DVL1: variants seen among roughly 807,000 people sequenced by gnomAD.
DVL1 encodes the protein segment polarity protein dishevelled homolog DVL-1.
DVL1 carries 49 observed loss-of-function variants against 65.0 expected under a neutral mutation model. The observed-to-expected ratio is 0.75, with a 90% CI of 0.60 to 0.96. DVL1 has a LOEUF of 0.96. Among genes scored for constraint, DVL1 ranks in the 40% least tolerant of loss-of-function variants. The pLI is 0.00. For synonymous variants in DVL1, 608 were observed against 433.9 expected, an observed-to-expected ratio of 1.40 and a Z score of -4.99; for missense variants, 1,197 against 1,045.4, an observed-to-expected ratio of 1.15 and a Z score of -2.00.
Position 1,336,302 on chromosome 1 carries a change from G to T in DVL1, c.1928C>A (p.Pro643Gln). 1 of 1,562,438 alleles carries T rather than the reference G, an allele frequency of 6.4e-7. No homozygotes were observed. The change falls in exon 15 of 15, where the codon CCG becomes CAG. Residue 643 changes from proline to glutamine, a missense_variant. Physicochemically the swap from Pro to Gln is moderately conservative, Grantham distance 76 (BLOSUM62 -1). Coordinates refer to ENST00000378888, the MANE Select transcript of DVL1 (RefSeq NM_001330311.2). The part of the protein sequence containing the change: ...QASATAPGLP[P>Q]PHPTTKAYTV... ...ATAGGCCTTGGTCGTGGGGTGGGGC[G>T]GGGGGAGCCCCGGGGCGGTAGCCGA... is the stretch of plus-strand genomic sequence containing the variant.
In DVL1 at chr1:1,345,695, C is replaced by A. The variant is rs908566905; in HGVS notation, c.171-2937G>T. Among the ~76,000 whole-genome samples, 3 of 152,304 alleles carry A rather than the reference C, an allele frequency of 2.0e-5. No homozygotes were observed. In the East Asian group the frequency reaches 5.8e-4, roughly 29 times the overall value. On this transcript the variant is annotated intron_variant, in intron 1 of 14. Transcript: ENST00000378888. ...CATGGCCACACAGGATGCAGAGAAC[C>A]CTCCAGACTCCCAGAGGCCACAGCC... is the stretch of plus-strand genomic sequence containing the variant.
chr1:1,338,375 G>A lies in DVL1; in HGVS notation c.1401C>T (p.Ala467=). ...TCAGCAAGCTGCTGGCGTACTTCCG[G>A]GCCTCCCGCCGCTCCTTGAAGCCCT... The part of the protein sequence containing the change: ...HVEGFKERRE[A]RKYASSLLKH... Residue 467 remains alanine (A), a synonymous_variant, in exon 13 of 15, where the codon GCC becomes GCT. Coordinates refer to ENST00000378888, the MANE Select transcript of DVL1 (RefSeq NM_001330311.2). 1.2e-6 allele frequency: 2 copies of A among 1,612,592 alleles called. No individual in the cohort carries two copies. The highest frequency in any genetic ancestry group is 1.7e-6 in the Non-Finnish European group (2 of 1,179,882).
Position 1,337,168 on chromosome 1 carries a change from G to C in DVL1, c.1715-653C>G, listed in dbSNP as rs966850103. On this transcript the variant is annotated intron_variant, in intron 14 of 14. Coordinates refer to ENST00000378888, the MANE Select transcript of DVL1 (RefSeq NM_001330311.2). ...TGACCGCGGGCTGGGCGGGGCTGAA[G>C]TGGGCGCAAGCGCCGGTCGAGGGTC... 6 of 892,702 alleles carry C rather than the reference G, an allele frequency of 6.7e-6. No homozygotes were observed. In the South Asian group the frequency reaches 3.0e-4, roughly 45 times the overall value. 55.3% of individuals were successfully genotyped at this position (892,702 alleles called of 1,614,324 possible). A position where few individuals can be genotyped will look rare whatever the true frequency, so the allele number is the denominator to read the frequency against.
In DVL1 at chr1:1,346,589, G is replaced by C. The variant is rs540431635; in HGVS notation, c.170+2307C>G. ...CATGAAAAGTGGAGGACAGGCGGGG[G>C]ACCTTCACCCACTGGGCCAAAGCCG... On this transcript the variant is annotated intron_variant, in intron 1 of 14. Transcript: ENST00000378888. Among the ~76,000 whole-genome samples, 5 of 152,342 alleles carry C rather than the reference G, an allele frequency of 3.3e-5. No individual in the cohort carries two copies. In the East Asian group the frequency reaches 9.7e-4, roughly 29 times the overall value.
rs556436260 is a variant in DVL1, at chr1:1,340,329, G to A, written c.700-13C>T. The A allele has an allele frequency of 1.2e-5, 20 of 1,613,936 alleles. No homozygotes were observed. The highest frequency in any genetic ancestry group is 8.0e-5 in the African/African-American group (6 of 75,032). ...TGAAGGAGGAGGCCTATGGAGGAGA[G>A]GGGGCGTGTGTAAAAGGCACGGGGC... On this transcript the variant is annotated splice_polypyrimidine_tract_variant and intron_variant, in intron 6 of 14. Transcript: ENST00000378888.
chr1:1,346,917 G>A (rs562954338), intron 1 of DVL1, among the ~76,000 whole-genome samples: 3 of 152,220 alleles, frequency 2.0e-5, no homozygotes, highest in Non-Finnish European at 2.9e-5. Flanking sequence ...AGTCGCTTAA[G>A]CTAAAGTATT....
intron 1 of DVL1, among the ~76,000 whole-genome samples, chr1:1,343,847 G>A (rs1643881130): frequency 6.6e-6 from 1 of 152,254 alleles, no homozygotes; most frequent in African/African-American, 2.4e-5. Flanking sequence ...GGACCTAGAG[G>A]GGCAGCAGGG....
intron 13 of DVL1, 40 bp downstream of exon 13, chr1:1,338,229 T>TGGGCCGCC: frequency 1.3e-6 from 2 of 1,522,366 alleles, no homozygotes; most frequent in Non-Finnish European, 1.8e-6. Flanking sequence ...CCTCCGGCGT[T>TGGGCCGCC]CCCCTCCCCC....
At chr1:1,338,703 G>T (rs1180004633) in intron 11 of DVL1, 50 bp from the exon 12 acceptor site, 2 of 1,583,248 alleles carry the variant, frequency 1.3e-6, no homozygotes, top group Admixed American at 3.4e-5. Context: ...GAAGGCGGGG[G>T]ACTCAGGGCC....
chr1:1,345,532 C>T (rs528998872), intron 1 of DVL1, among the ~76,000 whole-genome samples: 14 of 152,310 alleles, frequency 9.2e-5, no homozygotes, highest in South Asian at 4.1e-4. Flanking sequence ...CTGAAACTCA[C>T]GGCAGCTGCC....
Position 1,336,401 on chromosome 1 carries a change from C to T in DVL1, c.1829G>A (p.Ser610Asn). Residue 610 changes from serine (S) to asparagine (N), a missense_variant, in exon 15 of 15, where the codon AGT (serine) becomes AAT (asparagine). Physicochemically the swap from Ser to Asn is conservative, Grantham distance 46. Coordinates refer to ENST00000378888, the MANE Select transcript of DVL1 (RefSeq NM_001330311.2). ...SGSESDHTAPSGVGSSWRERP... is the reference protein window; with the variant it reads ...SGSESDHTAPNGVGSSWRERP... ...CTCTCGCCAGCTGCTCCCCACCCCA[C>T]TCGGTGCCGTGTGATCCGATTCACT... is the stretch of plus-strand genomic sequence containing the variant. 6.3e-7 allele frequency: 1 copy of T among 1,599,372 alleles called. No homozygotes were observed. Among genetic ancestry groups the T allele is most frequent in the East Asian group, 2.2e-5 (1 of 44,756 alleles).
intron 5 of DVL1, among the ~76,000 whole-genome samples, chr1:1,340,975 G>A (rs529271409): frequency 8.6e-6 from 1 of 116,608 alleles, no homozygotes; most frequent in Non-Finnish European, 1.7e-5. Context: ...CACCTGCACA[G>A]GCACACATGC....
chr1:1,341,140 C>T (rs964283353), intron 5 of DVL1, among the ~76,000 whole-genome samples: 16 of 149,002 alleles, frequency 1.1e-4, no homozygotes, highest in Admixed American at 4.7e-4. Context: ...CACACCTGCA[C>T]GCACACCTTC....
At position 1,339,802 on chromosome 1, in the gene DVL1, A is replaced by T. The variant is rs1643722776; in HGVS notation, c.920T>A (p.Val307Glu). The T allele has an allele frequency of 6.2e-7, 1 of 1,610,236 alleles. No homozygotes were observed. Among genetic ancestry groups the T allele is most frequent in the Non-Finnish European group, 8.5e-7 (1 of 1,179,850 alleles). ...PGDMLLQVNDVNFENMSNDDA... is the reference protein window; with the variant it reads ...PGDMLLQVNDENFENMSNDDA... ...GTCATTGCTCATGTTCTCAAAGTTC[A>T]CGTCATTCACCTGCAGGGGTGGGGA... Residue 307 changes from valine to glutamate, a missense_variant, in exon 9 of 15, where the codon GTG (valine) becomes GAG (glutamate). By Grantham distance (121) the Val-to-Glu change is moderately radical. Transcript: ENST00000378888.
Position 1,345,626 on chromosome 1 carries a change from G to A in DVL1, c.171-2868C>T, listed in dbSNP as rs551262423. On this transcript the variant is annotated intron_variant, in intron 1 of 14. Transcript: ENST00000378888. Reference sequence around the variant, plus strand: ...ACCTGTGTGCTGCCCCCACAGACCCGCCCCGGGGAGGAATCCACTCAGAGG... The same window carrying A: ...ACCTGTGTGCTGCCCCCACAGACCCACCCCGGGGAGGAATCCACTCAGAGG... Among the ~76,000 whole-genome samples, 11 of 152,262 alleles carry A rather than the reference G, an allele frequency of 7.2e-5. No homozygotes were observed. The East Asian group carries it at 1.9e-3, about 27-fold the overall frequency.
chr1:1,337,715 T>C (rs745639341), intron 14 of DVL1: 1 of 676,614 alleles, frequency 1.5e-6, no homozygotes, highest in South Asian at 1.5e-5. Flanking sequence ...TGTGAGACGC[T>C]TCCCTGTCCT....
intron 1 of DVL1, among the ~76,000 whole-genome samples, chr1:1,347,626 A>G (rs1643936673): frequency 6.6e-6 from 1 of 152,198 alleles, no homozygotes; most frequent in Non-Finnish European, 1.5e-5. Context: ...TAAGTCAAAA[A>G]CAAAAGTACC....
chr1:1,343,269 C>A (rs1225931857), intron 1 of DVL1, among the ~76,000 whole-genome samples: 7 of 46,888 alleles, frequency 1.5e-4, no homozygotes, highest in Non-Finnish European at 2.9e-4. Flanking sequence ...CCCCCCCCCC[C>A]AGGGCTTCCC....
intron 3 of DVL1, 21 bp from the exon 4 acceptor site, chr1:1,342,177 G>A (rs1474544156): frequency 9.7e-6 from 15 of 1,541,566 alleles, no homozygotes; most frequent in Non-Finnish European, 1.2e-5. Flanking sequence ...AGAGCAGGGT[G>A]GGTGGGGAGG....
Sources: gnomAD v4.1 joint callset for allele counts (sites outside exome capture counted in the v4.1 genomes callset) on GRCh38, gnomAD v4.1.1 for gene constraint, MANE v1.5 for transcripts, NCBI Gene and HGNC (gene_info 2026-07-23, HGNC 2026-07-21) for gene names.